The following LRP2 variants were observed in gnomAD, a reference collection of about 807,000 sequenced individuals.
LRP2 encodes the protein low-density lipoprotein receptor-related protein 2.
Under a neutral mutation model 531.0 loss-of-function variants are expected in LRP2, and 172 were observed. That is an observed-to-expected ratio of 0.32 (90% CI 0.29 to 0.37). The LOEUF is 0.37. Among genes scored for constraint, LRP2 ranks in the 10% least tolerant of loss-of-function variants. The probability of loss-of-function intolerance (pLI) is 1.00; values close to 1 mark genes in which losing one functional copy is unlikely to be tolerated. For synonymous variants in LRP2, 1,992 were observed against 2,027.6 expected, an observed-to-expected ratio of 0.98 and a Z score of 0.47; for missense variants, 5,167 against 5,868.3, an observed-to-expected ratio of 0.88 and a Z score of 3.90.
chr2:169,270,773 A>G (rs945093716), intron 16 of LRP2, 131 bp downstream of exon 16: 1 of 361,530 alleles, frequency 2.8e-6, no homozygotes, highest in African/African-American at 2.2e-5. Context: ...TAAATAAATA[A>G]ATAAATAAAT....
chr2:169,231,848 T>TGAGAAA lies in LRP2; in HGVS notation c.5099-12_5099-7dup. 6.2e-7 allele frequency: 1 copy of TGAGAAA among 1,613,784 alleles called. No individual in the cohort carries two copies. Among genetic ancestry groups the TGAGAAA allele is most frequent in the Non-Finnish European group, 8.5e-7 (1 of 1,179,842 alleles). On this transcript the variant is annotated splice_region_variant and splice_polypyrimidine_tract_variant and intron_variant, in intron 30 of 78. Transcript: ENST00000649046. The stretch of plus-strand genomic sequence containing the variant: ...AAAGGCACATGGATTCACGGCTGCA[T>TGAGAAA]GAGAAAGAGAAGAAAGCACCAGTAA...
intron 38 of LRP2, among the ~76,000 whole-genome samples, chr2:169,208,904 T>C (rs1404027964): frequency 1.3e-5 from 2 of 151,756 alleles, no homozygotes; most frequent in South Asian, 2.1e-4. Flanking sequence ...AAATGAGGGG[T>C]TATTCAAGCT....
At chr2:169,305,974 T>C (rs1684404299) in intron 4 of LRP2, among the ~76,000 whole-genome samples, 1 of 152,076 alleles carries the variant, frequency 6.6e-6, no homozygotes. Flanking sequence ...CAGTAGGCTA[T>C]ACCATCCAGG....
chr2:169,331,271 C>T (rs1024704549), intron 1 of LRP2, among the ~76,000 whole-genome samples: 1 of 152,236 alleles, frequency 6.6e-6, no homozygotes, highest in Non-Finnish European at 1.5e-5. Context: ...CAAATGTCCT[C>T]TCCCCATCCC....
At chr2:169,208,310 C>T (rs903338858) in intron 38 of LRP2, among the ~76,000 whole-genome samples, 1 of 152,172 alleles carries the variant, frequency 6.6e-6, no homozygotes, top group Non-Finnish European at 1.5e-5. Flanking sequence ...TTTATCTATA[C>T]CCTCAGAAAT....
At chr2:169,157,888 A>G (rs989324377) in intron 63 of LRP2, among the ~76,000 whole-genome samples, 1 of 149,614 alleles carries the variant, frequency 6.7e-6, no homozygotes, top group Non-Finnish European at 1.5e-5. Flanking sequence ...AGAGAGATAG[A>G]TGATAGATCG....
At chr2:169,338,196 G>A (rs1462544987) in intron 1 of LRP2, among the ~76,000 whole-genome samples, 1 of 144,608 alleles carries the variant, frequency 6.9e-6, no homozygotes, top group African/African-American at 2.6e-5. Context: ...AAGAGAGAAA[G>A]AAAAGAAAGA....
chr2:169,182,270 G>A lies in LRP2; in HGVS notation c.9895C>T (p.Leu3299Phe), dbSNP rs143920714. Residue 3299 changes from leucine (L) to phenylalanine (F), a missense_variant, in exon 51 of 79, where the codon CTC becomes TTC. Coordinates refer to ENST00000649046, the MANE Select transcript of LRP2 (RefSeq NM_004525.3). ...AGCATGCGGCGGTGTCCACCATTGA[G>A]GTCAGAGACAAAGAGGCCATCCAGG... ...ARLDGLFVSD[L>F]NGGHRRMLAQ... The A allele has an allele frequency of 4.7e-5, 76 of 1,614,052 alleles. No homozygotes were observed. The highest frequency in any genetic ancestry group is 6.3e-5 in the Non-Finnish European group (74 of 1,179,962).
chr2:169,203,029 T>G, intron 42 of LRP2, 70 bp from the exon 43 acceptor site: 1 of 1,274,934 alleles, frequency 7.8e-7, no homozygotes, highest in Non-Finnish European at 1.1e-6. Flanking sequence ...CCCTCCACAA[T>G]AGCACTTGCA....
intron 22 of LRP2, among the ~76,000 whole-genome samples, chr2:169,244,326 G>C (rs12613980): frequency 1.3e-5 from 2 of 152,056 alleles, no homozygotes; most frequent in African/African-American, 2.4e-5. Context: ...AAATGAAAAA[G>C]AAACATCAAT....
At chr2:169,317,641 G>A (rs1490986315) in intron 3 of LRP2, among the ~76,000 whole-genome samples, 2 of 151,976 alleles carry the variant, frequency 1.3e-5, no homozygotes, top group Non-Finnish European at 2.9e-5. Flanking sequence ...TTTCCTTGCA[G>A]CCAAAAACAT....
At chr2:169,198,007 G>C (rs1688062505) in intron 45 of LRP2, among the ~76,000 whole-genome samples, 1 of 152,198 alleles carries the variant, frequency 6.6e-6, no homozygotes, top group East Asian at 1.9e-4. Context: ...TCAAACTTAA[G>C]AAAGGCCTTT....
At position 169,175,368 on chromosome 2, in the gene LRP2, T is replaced by A; in HGVS notation, c.10593A>T (p.Lys3531Asn). 6.2e-7 allele frequency: 1 copy of A among 1,614,110 alleles called. No homozygotes were observed. Among genetic ancestry groups the A allele is most frequent in the Non-Finnish European group, 8.5e-7 (1 of 1,180,016 alleles). Reference protein sequence around the residue: ...NNEKCIPIWWKCDGQKDCSDG... With the variant: ...NNEKCIPIWWNCDGQKDCSDG... ...CTGAGCAGTCTTTCTGTCCATCACA[T>A]TTCCACCAGATAGGAATGCACCTGC... is the stretch of plus-strand genomic sequence containing the variant. The change falls in exon 55 of 79, where the codon AAA becomes AAT. Residue 3531 changes from lysine to asparagine, a missense_variant. This residue lies in a region of LRP2 where 311 missense variants were observed against 309.4 expected (regional missense o/e 1.01). Coordinates refer to ENST00000649046, the MANE Select transcript of LRP2 (RefSeq NM_004525.3).
Position 169,285,555 on chromosome 2 carries a change from C to T in LRP2, c.1043-2554G>A, listed in dbSNP as rs567809204. Among the ~76,000 whole-genome samples, 78 of 152,164 alleles carry T rather than the reference C, an allele frequency of 5.1e-4. 1 individual carries two copies. Among genetic ancestry groups the T allele is most frequent in the Non-Finnish European group, 8.8e-4 (60 of 67,978 alleles). ...TATCTATTTTTCTTTCCTTTTTATT[C>T]TTTGTCTCCTCCCACCAACAAATAC... On this transcript the variant is annotated intron_variant, in intron 9 of 78. Coordinates refer to ENST00000649046, the MANE Select transcript of LRP2 (RefSeq NM_004525.3).
intron 71 of LRP2, among the ~76,000 whole-genome samples, chr2:169,141,498 G>T (rs1574066292): frequency 6.6e-6 from 1 of 152,226 alleles, no homozygotes; most frequent in Non-Finnish European, 1.5e-5. Flanking sequence ...TGGCACTCAA[G>T]AAATCTCACT....
chr2:169,280,458 T>C lies in LRP2; in HGVS notation c.1233A>G (p.Gly411=), dbSNP rs1184918833. The C allele has an allele frequency of 1.2e-6, 2 of 1,614,052 alleles. No individual in the cohort carries two copies. The highest frequency in any genetic ancestry group is 1.3e-5 in the African/African-American group (1 of 74,920). Residue 411 remains glycine (G), a synonymous_variant, in exon 11 of 79, where the codon GGA becomes GGG. Coordinates refer to ENST00000649046, the MANE Select transcript of LRP2 (RefSeq NM_004525.3). ...GRDLLIGDIH[G]RSFRILVESQ... is the part of the protein sequence containing the mutation. ...ACTCCACTAGGATCCGGAAGCTCCT[T>C]CCATGAATATCACCAATTAACAAAT...
At chr2:169,217,161 A>G (rs578040734) in intron 34 of LRP2, among the ~76,000 whole-genome samples, 1 of 152,300 alleles carries the variant, frequency 6.6e-6, no homozygotes, top group South Asian at 2.1e-4. Context: ...TGTAAGTTCT[A>G]GACTTGAACC....
intron 30 of LRP2, 89 bp from the exon 31 acceptor site, chr2:169,231,931 G>A: frequency 6.6e-7 from 1 of 1,521,830 alleles, no homozygotes; most frequent in Non-Finnish European, 9.0e-7. Flanking sequence ...TCCTTCCAGA[G>A]GCCCCAGTAC....
rs577273522 is a variant in LRP2, at chr2:169,275,356, G to A, written c.1773-118C>T. ...CTAAATAATTTCTTGTCACAAATAC[G>A]GAATAGATAGAAAAGATACATTTTA... On this transcript the variant is annotated intron_variant, in intron 13 of 78. Transcript: ENST00000649046. The A allele has an allele frequency of 1.4e-4, 111 of 767,600 alleles. 1 individual carries two copies. The highest frequency in any genetic ancestry group is 1.4e-3 in the South Asian group (90 of 66,204). 47.5% of individuals were successfully genotyped at this position (767,600 alleles called of 1,614,324 possible).
Sources: gnomAD v4.1 joint callset for allele counts (sites outside exome capture counted in the v4.1 genomes callset) on GRCh38, gnomAD v4.1.1 for gene constraint, gnomAD v4.1.1 regional missense constraint, MANE v1.5 for transcripts, NCBI Gene and HGNC (gene_info 2026-07-23, HGNC 2026-07-21) for gene names.